CHN2: variants seen among roughly 807,000 people sequenced by gnomAD.
The protein encoded by CHN2 is beta-chimaerin.
Under a neutral mutation model 56.3 loss-of-function variants are expected in CHN2, and 35 were observed. The observed-to-expected ratio is 0.62, with a 90% confidence interval of 0.47 to 0.82. The LOEUF is 0.82. Among genes scored for constraint, CHN2 ranks in the 40% least tolerant of loss-of-function variants. The pLI is 0.00. For synonymous variants in CHN2, 210 were observed against 212.8 expected (o/e 0.99, Z 0.12); for missense variants, 491 against 580.5 (o/e 0.85, Z 1.58).
chr7:29,204,971 T>G (rs1210620481), intron 1 of CHN2, among the ~76,000 whole-genome samples: 1 of 152,230 alleles, frequency 6.6e-6, no homozygotes, highest in Non-Finnish European at 1.5e-5. Context: ...GTCATCTGGG[T>G]TAAGAACATA....
intron 1 of CHN2, among the ~76,000 whole-genome samples, chr7:29,310,480 G>C (rs77382991): frequency 0.022 from 3,347 of 152,272 alleles, 133 homozygotes; most frequent in African/African-American, 0.076. Context: ...GGGATTATGA[G>C]TGATTGTTGT....
chr7:29,419,148 G>A (rs1804073559), intron 6 of CHN2, among the ~76,000 whole-genome samples: 1 of 146,174 alleles, frequency 6.8e-6, no homozygotes, highest in Admixed American at 7.1e-5. Context: ...TTCTGGGGTA[G>A]ACACCTCAAG....
At chr7:29,319,877 G>A (rs1795215757) in intron 1 of CHN2, among the ~76,000 whole-genome samples, 1 of 152,092 alleles carries the variant, frequency 6.6e-6, no homozygotes, top group African/African-American at 2.4e-5. Flanking sequence ...AGCCAGTGTT[G>A]TCGTGACCAG....
intron 1 of CHN2, chr7:29,199,586 C>G (rs1410170125): frequency 6.6e-6 from 1 of 151,988 alleles, no homozygotes; most frequent in Non-Finnish European, 1.5e-5. Flanking sequence ...TAAAATTAAC[C>G]CTGTGAGAGA....
intron 6 of CHN2, among the ~76,000 whole-genome samples, chr7:29,461,052 CT>C (rs2128137708): frequency 6.6e-6 from 1 of 152,340 alleles, no homozygotes; most frequent in Admixed American, 6.5e-5. Context: ...CAATTCTATT[CT>C]CATGTAGGGT....
At chr7:29,454,885 C>T (rs1176740277) in intron 6 of CHN2, among the ~76,000 whole-genome samples, 1 of 151,076 alleles carries the variant, frequency 6.6e-6, no homozygotes, top group Non-Finnish European at 1.5e-5. Flanking sequence ...TTAAAAAACA[C>T]CTTAGTGCAT....
intron 3 of CHN2, among the ~76,000 whole-genome samples, chr7:29,392,231 T>C (rs534756206): frequency 6.6e-6 from 1 of 152,224 alleles, no homozygotes. Context: ...TACAGTCACA[T>C]GTCTATAATA....
intron 6 of CHN2, among the ~76,000 whole-genome samples, chr7:29,414,547 G>A (rs1043004497): frequency 1.2e-4 from 18 of 152,028 alleles, no homozygotes; most frequent in African/African-American, 4.3e-4. Flanking sequence ...AAACCCTGCC[G>A]CCAGCTGTCC....
At chr7:29,356,480 C>A (rs1346729875) in intron 2 of CHN2, among the ~76,000 whole-genome samples, 2 of 152,206 alleles carry the variant, frequency 1.3e-5, no homozygotes, top group Non-Finnish European at 2.9e-5. Flanking sequence ...TCTCCTTTCC[C>A]AGTAGCTGAG....
At chr7:29,210,772 GT>G (rs1381378858) in intron 1 of CHN2, among the ~76,000 whole-genome samples, 8 of 152,056 alleles carry the variant, frequency 5.3e-5, no homozygotes, top group Non-Finnish European at 1.0e-4. Flanking sequence ...TACTGAGAAG[GT>G]GACACTTGAT....
At chr7:29,241,051 A>G (rs537053460) in intron 1 of CHN2, among the ~76,000 whole-genome samples, 115 of 151,984 alleles carry the variant, frequency 7.6e-4, no homozygotes, top group African/African-American at 2.7e-3. Context: ...ACACCCAGCT[A>G]ATTTTTGTAT....
In CHN2 at chr7:29,468,776, C is replaced by A. The variant is rs560632183; in HGVS notation, c.577-11503C>A. ...CTAACCCCTGTGGTCCTTTCTCACT[C>A]CCCATCATACCTATCCTGTGAGCGT... is the stretch of plus-strand genomic sequence containing the variant. On this transcript the variant is annotated intron_variant, in intron 6 of 12. Coordinates refer to ENST00000222792, the MANE Select transcript of CHN2 (RefSeq NM_004067.4). Among the ~76,000 whole-genome samples, 34 of 152,262 alleles carry A rather than the reference C, an allele frequency of 2.2e-4. No homozygotes were observed. In the South Asian group the frequency reaches 7.1e-3, roughly 32 times the overall value.
chr7:29,407,136 G>A (rs1047518987), intron 6 of CHN2, among the ~76,000 whole-genome samples: 6 of 152,148 alleles, frequency 3.9e-5, no homozygotes, highest in South Asian at 2.1e-4. Flanking sequence ...CAGGGGAATC[G>A]TGGAGACCAT....
intron 1 of CHN2, among the ~76,000 whole-genome samples, chr7:29,290,109 C>T (rs1417203106): frequency 2.0e-5 from 3 of 152,202 alleles, no homozygotes; most frequent in Non-Finnish European, 4.4e-5. Context: ...TTGCTTGGGC[C>T]TTGTTCCTGA....
chr7:29,454,242 A>T (rs528700019), intron 6 of CHN2, among the ~76,000 whole-genome samples: 2 of 152,160 alleles, frequency 1.3e-5, no homozygotes, highest in Non-Finnish European at 2.9e-5. Flanking sequence ...GAGATGTGGG[A>T]CTTCAGCTGA....
chr7:29,456,293 T>G (rs991113341), intron 6 of CHN2, among the ~76,000 whole-genome samples: 1 of 152,236 alleles, frequency 6.6e-6, no homozygotes, highest in Admixed American at 6.5e-5. Flanking sequence ...GTTTTGTGAT[T>G]ATTTGTTCAG....
At chr7:29,484,411 T>C (rs1319320100) in intron 7 of CHN2, among the ~76,000 whole-genome samples, 2 of 152,206 alleles carry the variant, frequency 1.3e-5, no homozygotes, top group African/African-American at 2.4e-5. Flanking sequence ...AATCAAGGTA[T>C]GGGCAGGGTT....
In CHN2 at chr7:29,208,732, C is replaced by G. The variant is rs1328643523; in HGVS notation, c.49+13742C>G. On this transcript the variant is annotated intron_variant, in intron 1 of 12. Coordinates refer to ENST00000222792, the MANE Select transcript of CHN2 (RefSeq NM_004067.4). ...CACACCTCCTCACATCCTGACCAGA[C>G]CATTCCAGGATGCAATTATTGTAAG... is the stretch of plus-strand genomic sequence containing the variant. 3.3e-5 allele frequency: 5 copies of G among 152,214 alleles called. No individual in the cohort carries two copies. In the East Asian group the frequency reaches 9.6e-4, roughly 29 times the overall value. 9.4% of individuals were successfully genotyped at this position (152,214 alleles called of 1,614,324 possible).
At chr7:29,396,270 C>T (rs989921534) in intron 4 of CHN2, among the ~76,000 whole-genome samples, 19 of 151,740 alleles carry the variant, frequency 1.3e-4, no homozygotes, top group South Asian at 2.1e-4. Context: ...TGGTGAGACC[C>T]GCCCCCACTC....
Sources: gnomAD v4.1 joint callset for allele counts (sites outside exome capture counted in the v4.1 genomes callset) on GRCh38, gnomAD v4.1.1 for gene constraint, MANE v1.5 for transcripts, NCBI Gene and HGNC (gene_info 2026-07-23, HGNC 2026-07-21) for gene names.